CHD8: variants seen among roughly 807,000 people sequenced by gnomAD.
The protein encoded by CHD8 is ATP-dependent chromatin remodeler CHD8.
A neutral mutation model predicts 279.2 loss-of-function variants in CHD8; 31 were observed. The ratio of observed to expected loss-of-function variants is 0.11; its 90% CI spans 0.08 to 0.15. The LOEUF (loss-of-function observed/expected upper bound fraction) is 0.15. Among genes scored for constraint, CHD8 ranks in the 10% least tolerant of loss-of-function variants. The pLI is 1.00. For synonymous variants in CHD8, 1,081 were observed against 1,139.6 expected (o/e 0.95, Z 1.04); for missense variants, 2,146 against 3,230.5 (o/e 0.66, Z 8.14).
At chr14:21,434,171 G>A (rs1452929040) in intron 1 of CHD8, among the ~76,000 whole-genome samples, 5 of 149,712 alleles carry the variant, frequency 3.3e-5, no homozygotes, top group African/African-American at 4.9e-5. Flanking sequence ...TCAGCCTCCC[G>A]AATAGCTGGG....
At chr14:21,397,069 C>T in intron 27 of CHD8, 2 of 194,138 alleles carry the variant, frequency 1.0e-5, no homozygotes, top group Non-Finnish European at 2.2e-5. Context: ...TCCTCCTACC[C>T]AACTATTTAC....
At chr14:21,395,241 A>G in intron 29 of CHD8, 57 bp downstream of exon 29, 1 of 1,541,268 alleles carries the variant, frequency 6.5e-7, no homozygotes. Flanking sequence ...AATTCAGTGA[A>G]TAATTCCCCA....
rs532921100 is a variant in CHD8 at position 21,395,088 on chromosome 14, G to A, written c.5214C>T (p.Phe1738=). ...AQVTQQPGHL[F]WPPGSALTAR... ...CTGTTAGGGCAGAGCCCGGAGGCCA[G>A]AATAAATGGCCTGGCTGTTGGGTCA... The change falls in exon 30 of 38, where the codon TTC becomes TTT. Residue 1738 remains phenylalanine (F), a synonymous_variant. Coordinates refer to ENST00000646647, the MANE Select transcript of CHD8 (RefSeq NM_001170629.2). 137 of 1,613,810 alleles carry A rather than the reference G, an allele frequency of 8.5e-5. No homozygotes were observed. The highest frequency in any genetic ancestry group is 2.3e-4 in the Admixed American group (14 of 59,990).
chr14:21,435,511 C>A (rs1176989975), intron 1 of CHD8, among the ~76,000 whole-genome samples: 1 of 152,134 alleles, frequency 6.6e-6, no homozygotes, highest in Non-Finnish European at 1.5e-5. Flanking sequence ...TTATTCCTCA[C>A]CCTTGCCCAT....
Position 21,403,270 on chromosome 14 carries a change from C to T in CHD8, c.3519-58G>A. On this transcript the variant is annotated intron_variant, in intron 17 of 37. Transcript: ENST00000646647. The surrounding 1 kb of genome is among the most constrained non-coding windows in gnomAD (Gnocchi z 4.3). ...GGCTAAGCAGAAGTGGAGACCAAAA[C>T]AGCAGGCTAGGATCAATACCAGTAC... 11 of 1,534,878 alleles carry T rather than the reference C, an allele frequency of 7.2e-6. No homozygotes were observed. The South Asian group carries it at 1.2e-4, about 16-fold the overall frequency.
intron 10 of CHD8, among the ~76,000 whole-genome samples, chr14:21,412,248 C>A (rs1425419935): frequency 6.6e-6 from 1 of 151,924 alleles, no homozygotes; most frequent in Admixed American, 6.6e-5. Context: ...CGGGTTCAAG[C>A]GATTCTCCTG....
At chr14:21,396,694 C>G (rs1236170868) in intron 27 of CHD8, 1 of 152,308 alleles carries the variant, frequency 6.6e-6, no homozygotes, top group African/African-American at 2.4e-5. Context: ...CTGCCTCAGC[C>G]TCCCAAGTAG....
At chr14:21,392,903 G>A (rs1887611991) in intron 33 of CHD8, 94 bp from the exon 34 acceptor site, 15 of 1,341,118 alleles carry the variant, frequency 1.1e-5, no homozygotes, top group African/African-American at 1.5e-5. Context: ...ACCAGGATGG[G>A]TAAAAATCAT....
rs1887193020 is a variant in CHD8 at position 21,385,727 on chromosome 14, TTCATCCTCATCG to T, written c.7620_7631del (p.Asp2540_Asp2543del). On this transcript the variant is annotated inframe_deletion, in exon 38 of 38. Transcript: ENST00000646647. ...CCTGAGATAAGTCATCATCATCTTC[TTCATCCTCATCG>T]TCATCCTCCTCAGGTTGCAGTGGTG... is the stretch of plus-strand genomic sequence containing the variant. 1.3e-6 allele frequency: 2 copies of T among 1,551,780 alleles called. No homozygotes were observed. The highest frequency in any genetic ancestry group is 4.9e-5 in the East Asian group (2 of 40,914).
rs760862931 is a variant in CHD8, at chr14:21,394,394, G to A, written c.5482C>T (p.Arg1828Cys). The part of the protein sequence containing the change: ...DPDTMQFHWD[R>C]FRTFARLDKK... ...TCTAGTCGAGCAAAAGTGCGGAAGC[G>A]ATCCCAATGGAACTGCATGGTGTCA... is the stretch of plus-strand genomic sequence containing the variant. Residue 1828 changes from arginine (R) to cysteine (C), a missense_variant, in exon 31 of 38, where the codon CGC becomes TGC. Arg to Cys is a radical substitution (Grantham distance 180, BLOSUM62 -3). Around this residue, in one of 26 missense-constraint regions of CHD8, gnomAD observed 513 missense variants for 637.6 expected, o/e 0.80. Coordinates refer to ENST00000646647, the MANE Select transcript of CHD8 (RefSeq NM_001170629.2). The A allele has an allele frequency of 9.3e-6, 15 of 1,613,702 alleles. No individual in the cohort carries two copies. In the Admixed American group the frequency reaches 1.0e-4, roughly 11 times the overall value.
intron 5 of CHD8, 114 bp downstream of exon 5, chr14:21,426,014 T>C (rs1355124977): frequency 3.0e-6 from 2 of 661,832 alleles, no homozygotes; most frequent in Non-Finnish European, 5.3e-6. Flanking sequence ...CTACGCCCAG[T>C]TTAGAAAAGC....
intron 1 of CHD8, among the ~76,000 whole-genome samples, chr14:21,447,914 C>T (rs1251052667): frequency 6.6e-6 from 1 of 152,126 alleles, no homozygotes; most frequent in Non-Finnish European, 1.5e-5. Flanking sequence ...ACTCTCTGTT[C>T]TAGATGAGAA....
chr14:21,453,422 G>A (rs1594399026), intron 1 of CHD8, among the ~76,000 whole-genome samples: 1 of 151,918 alleles, frequency 6.6e-6, no homozygotes, highest in Non-Finnish European at 1.5e-5. Flanking sequence ...CCAACTTGGT[G>A]AGACAAAAGA....
chr14:21,436,791 G>A, intron 1 of CHD8: 1 of 409,836 alleles, frequency 2.4e-6, no homozygotes, highest in East Asian at 7.4e-5. Flanking sequence ...GAAGAAACTA[G>A]AGAGATTCTG....
intron 7 of CHD8, chr14:21,415,301 T>A: frequency 2.7e-6 from 1 of 373,730 alleles, no homozygotes; most frequent in East Asian, 5.1e-5. Context: ...AAGGTGCTCA[T>A]TAAATAAAGC....
chr14:21,429,279 T>C lies in CHD8; in HGVS notation c.900A>G (p.Gln300=), dbSNP rs1184543077. The C allele has an allele frequency of 5.0e-6, 8 of 1,609,524 alleles. No homozygotes were observed. Among genetic ancestry groups the C allele is most frequent in the Middle Eastern group, 3.3e-4 (2 of 6,048 alleles). ...TCCCTAGCACAACATGCCGATGTCC[T>C]TGGGGACCTCCAGACTGTGGCTGCT... is the stretch of plus-strand genomic sequence containing the variant. ...VLQQPQSGGP[Q]GHRHVVLGSL... is the part of the protein sequence containing the mutation. The change falls in exon 3 of 38, where the codon CAA becomes CAG. Residue 300 remains glutamine, a synonymous_variant. Transcript: ENST00000646647.
Position 21,431,864 on chromosome 14 carries a change from G to T in CHD8, c.-215-6C>A. The stretch of plus-strand genomic sequence containing the variant: ...AGAGGAAGATGGTGGAACTCCTGTT[G>T]TAGGAATACAAATACAAATGAAAAA... On this transcript the variant is annotated splice_polypyrimidine_tract_variant and splice_region_variant and intron_variant, in intron 1 of 37. Transcript: ENST00000646647. 6.3e-7 allele frequency: 1 copy of T among 1,597,722 alleles called. No homozygotes were observed. The highest frequency in any genetic ancestry group is 1.1e-5 in the South Asian group (1 of 90,778).
chr14:21,419,928 C>T (rs78598278), intron 5 of CHD8: 12 of 232,468 alleles, frequency 5.2e-5, no homozygotes, highest in South Asian at 2.9e-4. Context: ...GTAGTCGGGC[C>T]GTGAGGAATC....
Position 21,400,685 on chromosome 14 carries a change from GA to G in CHD8, c.4371-74del. 7.3e-7 allele frequency: 1 copy of G among 1,366,424 alleles called. No homozygotes were observed. Among genetic ancestry groups the G allele is most frequent in the Non-Finnish European group, 9.8e-7 (1 of 1,016,962 alleles). The allele number at this position is 1,366,424 out of a possible 1,614,324, so 84.6% of individuals were successfully genotyped here. On this transcript the variant is annotated intron_variant, in intron 22 of 37. Coordinates refer to ENST00000646647, the MANE Select transcript of CHD8 (RefSeq NM_001170629.2). The surrounding 1 kb of genome is among the most constrained non-coding windows in gnomAD (Gnocchi z 4.2). ...CCCTGTCCCTCAGAATCATGTCTCT[GA>G]AAAGGTGTGAAACAAAGATCTTAAA...
Sources: allele counts gnomAD v4.1 joint callset (sites outside exome capture counted in the v4.1 genomes callset), GRCh38; gene constraint gnomAD v4.1.1; regional missense constraint gnomAD v4.1.1; non-coding constraint Gnocchi (gnomAD v3.1); transcripts MANE v1.5; gene names NCBI Gene and HGNC (gene_info 2026-07-23, HGNC 2026-07-21).